The following TCF20 variants were observed in gnomAD, a reference collection of about 807,000 sequenced individuals.
TCF20 encodes transcription factor 20.
Under a neutral mutation model 148.6 loss-of-function variants are expected in TCF20, and 3 were observed. That is an observed-to-expected ratio of 0.02 (90% confidence interval 0.01 to 0.05). TCF20 has a LOEUF of 0.05. Among genes scored for constraint, TCF20 ranks in the 10% least tolerant of loss-of-function variants. The pLI is 1.00. For missense variants in TCF20, 2,350 were observed against 2,429.3 expected, an observed-to-expected ratio of 0.97 and a Z score of 0.69; for synonymous variants, 1,049 against 909.5, an observed-to-expected ratio of 1.15 and a Z score of -2.76.
intron 1 of TCF20, among the ~76,000 whole-genome samples, chr22:42,243,310 A>AAAAAAAAACAAAAAAAAAAAAAAAAC (rs1924618260): frequency 6.4e-5 from 9 of 140,862 alleles, no homozygotes; most frequent in African/African-American, 2.1e-4. Flanking sequence ...AAAAAAAAAA[A>AAAAAAAAACAAAAAAAAAAAAAAAAC]AAAAAAAAAA....
chr22:42,175,242 G>A (rs1936381208), intron 3 of TCF20, among the ~76,000 whole-genome samples: 1 of 152,122 alleles, frequency 6.6e-6, no homozygotes, highest in African/African-American at 2.4e-5. Context: ...TGTTATCCAG[G>A]CTGAACTTGA....
intron 1 of TCF20, among the ~76,000 whole-genome samples, chr22:42,291,057 C>A (rs1443774305): frequency 6.7e-6 from 1 of 149,858 alleles, no homozygotes; most frequent in Non-Finnish European, 1.5e-5. Context: ...AACCTAGGGT[C>A]CTCTCCTCTG....
At chr22:42,164,729 T>C (rs1041824498) in intron 5 of TCF20, among the ~76,000 whole-genome samples, 2 of 152,100 alleles carry the variant, frequency 1.3e-5, no homozygotes, top group Non-Finnish European at 2.9e-5. Flanking sequence ...AGGGGGGCAA[T>C]GGAGACAAGG....
intron 1 of TCF20, among the ~76,000 whole-genome samples, chr22:42,257,526 A>G (rs1473437995): frequency 6.6e-6 from 1 of 152,228 alleles, no homozygotes; most frequent in East Asian, 1.9e-4. Context: ...AGGGAGAAGT[A>G]TTAGAGAGCA....
At chr22:42,286,744 A>G (rs1445497997), upstream of TCF20, among the ~76,000 whole-genome samples, 1 of 152,186 alleles carries the variant, frequency 6.6e-6, no homozygotes, top group East Asian at 1.9e-4. Flanking sequence ...CCTCCTTTGA[A>G]GCAGGGTAAC....
intron 1 of TCF20, among the ~76,000 whole-genome samples, chr22:42,302,179 C>T (rs573617120): frequency 6.6e-6 from 1 of 152,266 alleles, no homozygotes; most frequent in South Asian, 2.1e-4. Context: ...CTTAAGGGCA[C>T]TATCGGGTGT....
chr22:42,181,737 T>C lies in TCF20; in HGVS notation c.5656-2035A>G, dbSNP rs923983103. On this transcript the variant is annotated intron_variant, in intron 2 of 5. Transcript: ENST00000677622. ...ATTCTCCTGACCTCAGCCTCCCGAG[T>C]AGCTGAGACTACAGGGTGTGTGCTA... is the stretch of plus-strand genomic sequence containing the variant. Among the ~76,000 whole-genome samples, 6 of 151,496 alleles carry C rather than the reference T, an allele frequency of 4.0e-5. No homozygotes were observed. The East Asian group carries it at 5.8e-4, about 15-fold the overall frequency.
intron 3 of TCF20, 107 bp from the exon 4 acceptor site, chr22:42,170,003 C>T (rs1366056840): frequency 3.7e-6 from 4 of 1,067,246 alleles, no homozygotes; most frequent in South Asian, 1.4e-5. Context: ...CAGGTCGCTA[C>T]ACTTACTTCT....
At chr22:42,266,103 G>A (rs1797464572) in intron 1 of TCF20, among the ~76,000 whole-genome samples, 1 of 151,236 alleles carries the variant, frequency 6.6e-6, no homozygotes, top group South Asian at 2.1e-4. Flanking sequence ...AAAAAGAGGG[G>A]CACAGCAGGA....
At chr22:42,230,658 G>C (rs978355413) in intron 1 of TCF20, among the ~76,000 whole-genome samples, 2 of 150,430 alleles carry the variant, frequency 1.3e-5, no homozygotes, top group Admixed American at 6.6e-5. Context: ...AAAAACCAAA[G>C]CAAACAAACA....
chr22:42,336,627 A>G (rs1389789005), intron 1 of TCF20, among the ~76,000 whole-genome samples: 6 of 151,932 alleles, frequency 3.9e-5, no homozygotes, highest in Non-Finnish European at 8.8e-5. Flanking sequence ...TCCTGGCCCT[A>G]CTGGCCCACA....
chr22:42,311,112 G>C (rs1472922565), intron 1 of TCF20, among the ~76,000 whole-genome samples: 1 of 152,148 alleles, frequency 6.6e-6, no homozygotes, highest in African/African-American at 2.4e-5. Flanking sequence ...GGGGGACAGG[G>C]GGGTGGCCAG....
intron 2 of TCF20, among the ~76,000 whole-genome samples, chr22:42,205,394 A>C (rs916587723): frequency 6.6e-6 from 1 of 151,434 alleles, no homozygotes; most frequent in Non-Finnish European, 1.5e-5. Flanking sequence ...GAGAGGAGCA[A>C]TGTCTCTTGA....
At chr22:42,309,820 C>T (rs908412540) in intron 1 of TCF20, among the ~76,000 whole-genome samples, 8 of 152,204 alleles carry the variant, frequency 5.3e-5, no homozygotes, top group Non-Finnish European at 7.3e-5. Flanking sequence ...AGGGGTGACA[C>T]CAGCACCTCA....
At chr22:42,322,343 G>A (rs1927747771) in intron 1 of TCF20, among the ~76,000 whole-genome samples, 1 of 151,878 alleles carries the variant, frequency 6.6e-6, no homozygotes, top group Non-Finnish European at 1.5e-5. Flanking sequence ...GGGCCTTTCA[G>A]AGGCTGGCTG....
chr22:42,286,579 G>C (rs1044569166), upstream of TCF20, among the ~76,000 whole-genome samples: 4 of 152,158 alleles, frequency 2.6e-5, no homozygotes, highest in African/African-American at 4.8e-5. Flanking sequence ...CCCAGTTAGC[G>C]GCCAGCAAGA....
intron 1 of TCF20, among the ~76,000 whole-genome samples, chr22:42,313,889 C>T (rs1196079081): frequency 2.0e-5 from 3 of 152,200 alleles, no homozygotes; most frequent in Admixed American, 6.5e-5. Context: ...CGTGAGTCAC[C>T]GCGCCGGGCC....
rs529649863 is a variant in TCF20, at chr22:42,294,543, G to A, written c.-37+48936C>T. Among the ~76,000 whole-genome samples, 409 of 152,142 alleles carry A rather than the reference G, an allele frequency of 2.7e-3. 2 individuals are homozygous for A. Among genetic ancestry groups the A allele is most frequent in the Non-Finnish European group, 4.6e-3 (316 of 67,966 alleles). On this transcript the variant is annotated intron_variant, in intron 1 of 1. Transcript: ENST00000515426. The stretch of plus-strand genomic sequence containing the variant: ...GGAAAGGGCCCTCCCTCCCAGCTCC[G>A]GGAGAGGGCAGGGCCAGGCTGTTGC...
chr22:42,216,635 C>G (rs534533839), intron 1 of TCF20, among the ~76,000 whole-genome samples: 3 of 152,288 alleles, frequency 2.0e-5, no homozygotes, highest in Admixed American at 2.0e-4. Flanking sequence ...GCACCTTTAC[C>G]CGCCATGTGG....
Sources: allele counts gnomAD v4.1 joint callset (sites outside exome capture counted in the v4.1 genomes callset), GRCh38; gene constraint gnomAD v4.1.1; transcripts MANE v1.5; gene names NCBI Gene and HGNC (gene_info 2026-07-23, HGNC 2026-07-21).